The following AGBL1 variants were observed in gnomAD, a reference collection of about 807,000 sequenced individuals.
The protein encoded by AGBL1 is AGBL carboxypeptidase 1.
Under a neutral mutation model 118.9 loss-of-function variants are expected in AGBL1, and 130 were observed. The observed-to-expected ratio is 1.09, with a 90% CI of 0.95 to 1.26. AGBL1 has a LOEUF of 1.26. AGBL1 is among the 50% of genes most tolerant of loss of function. The pLI is 0.00. For missense variants in AGBL1, 1,584 were observed against 1,298.1 expected (o/e 1.22, Z -3.38); for synonymous variants, 555 against 478.9 (o/e 1.16, Z -2.08).
At chr15:86,392,975 A>G (rs771913671) in intron 17 of AGBL1, among the ~76,000 whole-genome samples, 3 of 152,194 alleles carry the variant, frequency 2.0e-5, no homozygotes, top group African/African-American at 7.2e-5. Flanking sequence ...GTTGTCCATT[A>G]TGAGTTCTCT....
intron 21 of AGBL1, among the ~76,000 whole-genome samples, chr15:86,635,338 C>CTACTCCTCT: frequency 8.0e-5 from 8 of 100,616 alleles, no homozygotes; most frequent in African/African-American, 2.7e-4. Flanking sequence ...CCTCCTCCTC[C>CTACTCCTCT]TACTCCTCTT....
At chr15:86,973,533 A>G (rs566770631) in intron 23 of AGBL1, among the ~76,000 whole-genome samples, 1 of 140,090 alleles carries the variant, frequency 7.1e-6, no homozygotes, top group South Asian at 2.2e-4. Flanking sequence ...GCATGATCGG[A>G]AAAAAATCAC....
chr15:86,246,066 TG>T (rs1428054974), intron 6 of AGBL1, among the ~76,000 whole-genome samples: 1 of 152,024 alleles, frequency 6.6e-6, no homozygotes, highest in Non-Finnish European at 1.5e-5. Context: ...TTATTTTTTG[TG>T]GAGATGGGGT....
intron 1 of AGBL1, among the ~76,000 whole-genome samples, chr15:86,141,315 C>T (rs536756743): frequency 7.1e-4 from 108 of 152,336 alleles, no homozygotes; most frequent in East Asian, 2.5e-3. Flanking sequence ...GAAGTCTTTT[C>T]GTCAGAACAT....
At chr15:86,099,824 T>G (rs2141493183) in intron 1 of AGBL1, among the ~76,000 whole-genome samples, 1 of 152,248 alleles carries the variant, frequency 6.6e-6, no homozygotes, top group Non-Finnish European at 1.5e-5. Flanking sequence ...TTAGATGCCT[T>G]TTATTTTTTT....
intron 22 of AGBL1, among the ~76,000 whole-genome samples, chr15:86,817,522 T>TAC (rs145360496): frequency 0.071 from 6,642 of 93,616 alleles, 324 homozygotes; most frequent in African/African-American, 0.14. Context: ...GAGACAGGCA[T>TAC]ACACACACAC....
chr15:86,826,877 C>T (rs1265486571), intron 22 of AGBL1, among the ~76,000 whole-genome samples: 1 of 151,994 alleles, frequency 6.6e-6, no homozygotes, highest in Admixed American at 6.6e-5. Context: ...CAGCACTTAA[C>T]TATCAGACAA....
At chr15:86,303,183 C>G (rs1214589335) in intron 17 of AGBL1, among the ~76,000 whole-genome samples, 1 of 152,066 alleles carries the variant, frequency 6.6e-6, no homozygotes, top group Admixed American at 6.6e-5. Context: ...CATGGTTTCC[C>G]CACATATAAG....
intron 16 of AGBL1, among the ~76,000 whole-genome samples, chr15:86,280,925 G>A (rs1388046215): frequency 6.6e-6 from 1 of 152,158 alleles, no homozygotes; most frequent in Non-Finnish European, 1.5e-5. Flanking sequence ...CACACTTAGA[G>A]AGCTCAAGAA....
At chr15:86,302,940 A>G (rs570153968) in intron 17 of AGBL1, among the ~76,000 whole-genome samples, 5 of 152,294 alleles carry the variant, frequency 3.3e-5, no homozygotes. Context: ...GAAGGCAATT[A>G]TGAGCTAATA....
At chr15:86,302,752 C>T (rs376584989) in intron 17 of AGBL1, among the ~76,000 whole-genome samples, 16 of 140,746 alleles carry the variant, frequency 1.1e-4, no homozygotes, top group African/African-American at 3.9e-4. Context: ...GCACTCCAGC[C>T]TGGATGACAG....
intron 17 of AGBL1, among the ~76,000 whole-genome samples, chr15:86,368,693 A>G (rs555896054): frequency 1.3e-5 from 2 of 152,304 alleles, no homozygotes; most frequent in African/African-American, 4.8e-5. Flanking sequence ...CAGTTAGTAG[A>G]CATGAGGATA....
At chr15:86,214,864 G>T (rs978757334) in intron 5 of AGBL1, among the ~76,000 whole-genome samples, 1 of 152,180 alleles carries the variant, frequency 6.6e-6, no homozygotes, top group Non-Finnish European at 1.5e-5. Context: ...CACACTCCCT[G>T]CTGAGTGTTC....
chr15:86,423,238 A>T (rs2081816906), intron 18 of AGBL1, among the ~76,000 whole-genome samples: 1 of 152,232 alleles, frequency 6.6e-6, no homozygotes, highest in Non-Finnish European at 1.5e-5. Flanking sequence ...CTTATCCACC[A>T]CGATAAAGTC....
chr15:87,023,701 G>A (rs2081693512), intron 24 of AGBL1, among the ~76,000 whole-genome samples: 2 of 151,902 alleles, frequency 1.3e-5, no homozygotes, highest in South Asian at 4.1e-4. Flanking sequence ...AACAGCACAT[G>A]GAACTTTCTT....
intron 23 of AGBL1, among the ~76,000 whole-genome samples, chr15:86,945,267 AG>A (rs892514215): frequency 5.0e-5 from 7 of 139,168 alleles, no homozygotes; most frequent in Admixed American, 2.2e-4. Flanking sequence ...AAAAAAAAAA[AG>A]TTATAAAGAA....
intron 22 of AGBL1, among the ~76,000 whole-genome samples, chr15:86,850,039 T>G (rs1458108244): frequency 6.6e-6 from 1 of 152,232 alleles, no homozygotes; most frequent in Non-Finnish European, 1.5e-5. Flanking sequence ...TAGTTTCCAT[T>G]GCATAAAGGT....
chr15:86,503,820 T>G (rs1045638007), intron 18 of AGBL1, among the ~76,000 whole-genome samples: 4 of 151,586 alleles, frequency 2.6e-5, no homozygotes, highest in Non-Finnish European at 1.5e-5. Flanking sequence ...ATCATTTAAA[T>G]TTATTAAAAC....
intron 17 of AGBL1, among the ~76,000 whole-genome samples, chr15:86,340,291 AC>A (rs1281262919): frequency 1.0e-5 from 1 of 100,202 alleles, no homozygotes; most frequent in Non-Finnish European, 2.7e-5. Flanking sequence ...TATTGCCTCC[AC>A]TGCCCCCCCC....
Sources: gnomAD v4.1 joint callset for allele counts (sites outside exome capture counted in the v4.1 genomes callset) on GRCh38, gnomAD v4.1.1 for gene constraint, MANE v1.5 for transcripts, NCBI Gene and HGNC (gene_info 2026-07-23, HGNC 2026-07-21) for gene names.